The following PPA2 variants were observed in gnomAD, a reference collection of about 807,000 sequenced individuals.
PPA2 encodes inorganic pyrophosphatase 2, also known as inorganic pyrophosphatase 2, mitochondrial.
Under a neutral mutation model 49.5 loss-of-function variants are expected in PPA2, and 48 were observed. The ratio of observed to expected loss-of-function variants is 0.97; its 90% CI spans 0.77 to 1.23. The LOEUF is 1.23. PPA2 is among the 50% of genes most tolerant of loss of function. PPA2 has a pLI of 0.00. For missense variants in PPA2, 429 were observed against 410.1 expected (o/e 1.05, Z -0.40); for synonymous variants, 131 against 139.9 (o/e 0.94, Z 0.45).
chr4:105,381,025 T>C (rs1333242580), intron 10 of PPA2, among the ~76,000 whole-genome samples: 1 of 152,154 alleles, frequency 6.6e-6, no homozygotes, highest in Admixed American at 6.5e-5. Context: ...GTCTGAAAGC[T>C]TCCCTTTCTT....
At chr4:105,456,547 A>T in intron 2 of PPA2, 134 bp downstream of exon 2, 1 of 657,532 alleles carries the variant, frequency 1.5e-6, no homozygotes, top group Non-Finnish European at 2.7e-6. Flanking sequence ...GAGGCTTATG[A>T]CCCTGTTATA....
intron 1 of PPA2, among the ~76,000 whole-genome samples, chr4:105,465,282 C>T (rs1723255539): frequency 6.6e-6 from 1 of 152,122 alleles, no homozygotes; most frequent in Admixed American, 6.5e-5. Context: ...TATTTTTCTT[C>T]GTGTTTCTAA....
intron 9 of PPA2, among the ~76,000 whole-genome samples, chr4:105,387,991 T>C (rs1311976929): frequency 6.7e-6 from 1 of 148,964 alleles, no homozygotes; most frequent in Non-Finnish European, 1.5e-5. Flanking sequence ...ACAACAATGC[T>C]TTTAACATTA....
At chr4:105,456,066 G>C in intron 2 of PPA2, 1 of 351,230 alleles carries the variant, frequency 2.8e-6, no homozygotes, top group East Asian at 6.9e-5. Flanking sequence ...GATAGCATCA[G>C]TTCTCCTGGC....
chr4:105,467,591 T>C (rs958190957), intron 1 of PPA2, among the ~76,000 whole-genome samples: 1 of 152,130 alleles, frequency 6.6e-6, no homozygotes, highest in Non-Finnish European at 1.5e-5. Context: ...GATTGCTGTA[T>C]GGAAAGTAGA....
chr4:105,405,005 C>T (rs1187101951), intron 7 of PPA2: 2 of 170,568 alleles, frequency 1.2e-5, no homozygotes, highest in African/African-American at 4.8e-5. Flanking sequence ...ATGGCATGAA[C>T]CTGGGAGGCG....
intron 3 of PPA2, among the ~76,000 whole-genome samples, chr4:105,450,692 C>T (rs1206722474): frequency 6.8e-6 from 1 of 146,882 alleles, no homozygotes; most frequent in Non-Finnish European, 1.5e-5. Flanking sequence ...ACTGCAAGAT[C>T]CGCCTCCCGG....
At chr4:105,418,360 G>A (rs1331777884) in intron 7 of PPA2, among the ~76,000 whole-genome samples, 2 of 152,182 alleles carry the variant, frequency 1.3e-5, no homozygotes, top group East Asian at 3.8e-4. Flanking sequence ...AATAATTACA[G>A]AAGCACTGGA....
intron 10 of PPA2, among the ~76,000 whole-genome samples, chr4:105,377,376 A>G (rs1055193243): frequency 1.3e-5 from 2 of 152,160 alleles, no homozygotes; most frequent in African/African-American, 4.8e-5. Context: ...AGCTCATTCA[A>G]TTCTCCACAA....
intron 10 of PPA2, among the ~76,000 whole-genome samples, chr4:105,382,049 C>T (rs905071390): frequency 1.3e-5 from 2 of 151,894 alleles, no homozygotes; most frequent in African/African-American, 4.8e-5. Flanking sequence ...TTCTCAAGAA[C>T]TATTTTTGCT....
chr4:105,418,348 AT>A (rs1224761459), intron 7 of PPA2, among the ~76,000 whole-genome samples: 2 of 152,234 alleles, frequency 1.3e-5, no homozygotes, highest in Non-Finnish European at 2.9e-5. Context: ...TTATTTTTAA[AT>A]AATAATTACA....
intron 5 of PPA2, among the ~76,000 whole-genome samples, chr4:105,440,318 GTGGCACGATCT>G (rs33974959): frequency 0.34 from 51,047 of 151,184 alleles, 10,332 homozygotes; most frequent in East Asian, 0.67. Flanking sequence ...CTGGAGTGCA[GTGGCACGATCT>G]TGGCTCACTG....
At chr4:105,438,141 G>A in intron 5 of PPA2, 105 bp from the exon 6 acceptor site, 1 of 800,656 alleles carries the variant, frequency 1.2e-6, no homozygotes, top group Admixed American at 3.1e-5. Flanking sequence ...ATAATCCAAA[G>A]AAAACATTAT....
intron 9 of PPA2, among the ~76,000 whole-genome samples, chr4:105,389,914 C>T (rs1198553171): frequency 6.6e-6 from 1 of 152,012 alleles, no homozygotes; most frequent in Non-Finnish European, 1.5e-5. Context: ...TACACAAAGC[C>T]AAAACAACTG....
chr4:105,409,078 G>A (rs1297258597), intron 7 of PPA2, among the ~76,000 whole-genome samples: 3 of 152,226 alleles, frequency 2.0e-5, no homozygotes, highest in Admixed American at 6.5e-5. Flanking sequence ...CATGGAGGGC[G>A]AGCAGAAGCA....
Position 105,474,033 on chromosome 4 carries a change from C to G in PPA2, c.18G>C (p.Arg6=). ...CGGCTGGGGCACCCGTGCGCAGCAG[C>G]CGCAGCAGCGCGCTCATGGCGTCAA... The part of the protein sequence containing the change: MSALL[R]LLRTGAPAAA... The change falls in exon 1 of 12, where the codon CGG becomes CGC. Residue 6 remains arginine, a synonymous_variant. Transcript: ENST00000341695. 6.3e-7 allele frequency: 1 copy of G among 1,594,088 alleles called. No individual in the cohort carries two copies. The highest frequency in any genetic ancestry group is 8.5e-7 in the Non-Finnish European group (1 of 1,170,164).
intron 5 of PPA2, among the ~76,000 whole-genome samples, chr4:105,445,062 T>C (rs917136898): frequency 6.6e-5 from 10 of 152,352 alleles, no homozygotes; most frequent in African/African-American, 2.4e-4. Context: ...TTATGAGGCC[T>C]TGATGTCACA....
intron 1 of PPA2, among the ~76,000 whole-genome samples, chr4:105,468,493 A>G (rs535579919): frequency 3.3e-5 from 5 of 152,372 alleles, no homozygotes; most frequent in African/African-American, 1.2e-4. Context: ...AGGACTTCAA[A>G]CTGACCATTA....
chr4:105,399,009 A>G, intron 8 of PPA2, 28 bp downstream of exon 8: 1 of 1,598,582 alleles, frequency 6.3e-7, no homozygotes, highest in Non-Finnish European at 8.5e-7. Flanking sequence ...CAGGAGGTAC[A>G]TTTTAAAATA....
Sources: gnomAD v4.1 joint callset for allele counts (sites outside exome capture counted in the v4.1 genomes callset) on GRCh38, gnomAD v4.1.1 for gene constraint, MANE v1.5 for transcripts, NCBI Gene and HGNC (gene_info 2026-07-23, HGNC 2026-07-21) for gene names.